Variants in MED16 observed in about 807,000 individuals in gnomAD.
MED16 encodes mediator complex subunit 16.
Under a neutral mutation model 84.4 loss-of-function variants are expected in MED16, and 81 were observed. The observed-to-expected ratio is 0.96, with a 90% CI of 0.80 to 1.15. The LOEUF (loss-of-function observed/expected upper bound fraction) is 1.15, where lower values mean the gene tolerates loss of function less well. Ranked by LOEUF, MED16 falls within the 50% of genes most tolerant of loss-of-function variation. The pLI, the probability that MED16 is intolerant of heterozygous loss-of-function variation, is 0.00. For missense variants in MED16, 1,585 were observed against 1,245.9 expected (o/e 1.27, Z -4.10); for synonymous variants, 897 against 552.2 (o/e 1.62, Z -8.76).
rs894709402 is a variant in MED16, at chr19:871,336, G to C, written c.2099-83C>G. On this transcript the variant is annotated intron_variant, in intron 12 of 15. Transcript: ENST00000325464. ...CCGGGACGTGCTGGGAGCCCCTCCA[G>C]TTCAGGAGCACCAGGTCAGGGCCCC... is the stretch of plus-strand genomic sequence containing the variant. 3.5e-6 allele frequency: 5 copies of C among 1,412,352 alleles called. No individual in the cohort carries two copies. The South Asian group carries it at 5.5e-5, about 15-fold the overall frequency. The allele number at this position is 1,412,352 out of a possible 1,614,324, so 87.5% of individuals were successfully genotyped here. A position where few individuals can be genotyped will look rare whatever the true frequency, so the allele number is the denominator to read the frequency against.
At chr19:883,970 G>A (rs1287831952) in intron 6 of MED16, among the ~76,000 whole-genome samples, 3 of 152,160 alleles carry the variant, frequency 2.0e-5, no homozygotes, top group Admixed American at 2.0e-4. Flanking sequence ...AATGGCAGTG[G>A]CCCTCTTCAC....
At chr19:876,550 GA>G (rs2036235378) in intron 9 of MED16, among the ~76,000 whole-genome samples, 1 of 152,088 alleles carries the variant, frequency 6.6e-6, no homozygotes, top group Non-Finnish European at 1.5e-5. Context: ...TGTTACAGAA[GA>G]AACTTCCCAG....
chr19:876,435 C>A (rs2036231235), intron 9 of MED16, among the ~76,000 whole-genome samples: 2 of 152,060 alleles, frequency 1.3e-5, no homozygotes, highest in Admixed American at 6.5e-5. Context: ...CATCCTGGTA[C>A]CCATCACATT....
chr19:875,212 C>T (rs1198869704), intron 10 of MED16, 32 bp downstream of exon 10: 6 of 1,424,386 alleles, frequency 4.2e-6, no homozygotes, highest in East Asian at 4.7e-5. Context: ...ATGAAAGAAA[C>T]CTCGAGGCCC....
At chr19:874,508 G>C (rs976982870) in intron 10 of MED16, among the ~76,000 whole-genome samples, 1 of 152,062 alleles carries the variant, frequency 6.6e-6, no homozygotes, top group African/African-American at 2.4e-5. Flanking sequence ...CCACGTGCTG[G>C]GTGAGCCTGG....
intron 13 of MED16, 71 bp from the exon 14 acceptor site, chr19:869,017 C>T (rs1267779489): frequency 2.9e-6 from 4 of 1,358,330 alleles, no homozygotes; most frequent in African/African-American, 1.5e-5. Flanking sequence ...GGGCATCTGT[C>T]CACAGGCGGG....
At position 871,050 on chromosome 19, in the gene MED16, C is replaced by T. The variant is rs370073131; in HGVS notation, c.2302G>A (p.Asp768Asn). ...LPGSAATLQL[D>N]GLARAPGQPK... ...GGACACACGCACCTGGCGAGGCCGT[C>T]GAGCTGCAGGGTGGCAGCACTGCCA... Residue 768 changes from aspartate to asparagine, a missense_variant, in exon 13 of 16, where the codon GAC becomes AAC. Asp to Asn is a conservative substitution (Grantham distance 23, BLOSUM62 1). Coordinates refer to ENST00000325464, the MANE Select transcript of MED16 (RefSeq NM_005481.3). The T allele has an allele frequency of 3.8e-5, 58 of 1,543,436 alleles. No homozygotes were observed. The African/African-American group carries it at 6.2e-4, about 16-fold the overall frequency.
In MED16 at chr19:889,862, T is replaced by A. The variant is rs985171386; in HGVS notation, c.278-55A>T. ...TTCCAGGGATGGGCAGAGCACTGCG[T>A]TGCAGGACGGCACAGCGCCTGGGGG... is the stretch of plus-strand genomic sequence containing the variant. On this transcript the variant is annotated intron_variant, in intron 3 of 15. Coordinates refer to ENST00000325464, the MANE Select transcript of MED16 (RefSeq NM_005481.3). 7.8e-6 allele frequency: 12 copies of A among 1,543,960 alleles called. No individual in the cohort carries two copies. In the African/African-American group the frequency reaches 1.1e-4, roughly 14 times the overall value.
At chr19:872,537 G>A (rs912482641) in intron 11 of MED16, among the ~76,000 whole-genome samples, 3 of 152,014 alleles carry the variant, frequency 2.0e-5, no homozygotes, top group Non-Finnish European at 2.9e-5. Context: ...AAAGAAGAGA[G>A]GGACTTCAAA....
At position 876,912 on chromosome 19, in the gene MED16, G is replaced by A. The variant is rs563458694; in HGVS notation, c.1560+62C>T. On this transcript the variant is annotated intron_variant, in intron 9 of 15. Transcript: ENST00000325464. The stretch of plus-strand genomic sequence containing the variant: ...CTGCCACGGGGCCCCACCTGCCACG[G>A]GGCCCCCACCTGCCACAGGGCCCCC... The A allele has an allele frequency of 4.3e-4, 655 of 1,519,962 alleles. 5 individuals are homozygous for A. In the East Asian group the frequency reaches 7.2e-3, roughly 17 times the overall value. The allele number at this position is 1,519,962 out of a possible 1,614,324, so 94.2% of individuals were successfully genotyped here. A position where few individuals can be genotyped will look rare whatever the true frequency, so the allele number is the denominator to read the frequency against.
Position 873,451 on chromosome 19 carries a change from G to C in MED16, c.1903C>G (p.Gln635Glu), listed in dbSNP as rs1407282160. The change falls in exon 11 of 16, where the codon CAG becomes GAG. Residue 635 changes from glutamine (Q) to glutamate (E), a missense_variant and splice_region_variant. By Grantham distance (29) the Gln-to-Glu change is conservative. Transcript: ENST00000325464. ...VLYLLASLPN[Q>E]GSLLRPGHSF... The stretch of plus-strand genomic sequence containing the variant: ...CCTTAGGGGAGAGCATGGCGCACCT[G>C]GTTGGGTAGGCTGGCCAGCAGGTAC... 5 of 1,607,972 alleles carry C rather than the reference G, an allele frequency of 3.1e-6. No individual in the cohort carries two copies. The highest frequency in any genetic ancestry group is 2.2e-5 in the South Asian group (2 of 91,052).
chr19:875,596 C>T (rs2036212426), intron 9 of MED16, 142 bp from the exon 10 acceptor site: 4 of 638,282 alleles, frequency 6.3e-6, no homozygotes, highest in Non-Finnish European at 1.1e-5. Context: ...ACCTCAGCAA[C>T]CTCATGGCAA....
At chr19:875,174 AAAAAATAAAT>A (rs2036200072) in intron 10 of MED16, 60 bp downstream of exon 10, 3 of 1,133,660 alleles carry the variant, frequency 2.6e-6, no homozygotes, top group Admixed American at 2.8e-5. Flanking sequence ...AAAAGAGTAA[AAAAAATAAAT>A]AAAAATAAAA....
At chr19:877,792 A>T (rs1228638517) in intron 8 of MED16, among the ~76,000 whole-genome samples, 29 of 59,056 alleles carry the variant, frequency 4.9e-4, no homozygotes, top group African/African-American at 1.9e-3. Context: ...CCCCAGCCCC[A>T]GCCCCACGTG....
At position 872,816 on chromosome 19, in the gene MED16, G is replaced by A. The variant is rs188504125; in HGVS notation, c.1905+633C>T. 3.9e-3 allele frequency: 1,225 copies of A among 313,534 alleles called. 28 individuals are homozygous for A. The highest frequency in any genetic ancestry group is 0.026 in the African/African-American group (1,153 of 44,170). The allele number at this position is 313,534 out of a possible 1,614,324, so 19.4% of individuals were successfully genotyped here. On this transcript the variant is annotated intron_variant, in intron 11 of 15. Coordinates refer to ENST00000325464, the MANE Select transcript of MED16 (RefSeq NM_005481.3). ...AGCAGCAGCAGAAGCAAGGCGAACC[G>A]GCCTTCGTGTAGGGGTGGGGCTGAG... is the stretch of plus-strand genomic sequence containing the variant.
At chr19:878,717 C>A (rs2036332797) in intron 8 of MED16, among the ~76,000 whole-genome samples, 1 of 142,010 alleles carries the variant, frequency 7.0e-6, no homozygotes, top group African/African-American at 2.6e-5. Context: ...TCGCCTTCCC[C>A]TGGTTGTCAA....
intron 9 of MED16, 63 bp downstream of exon 9, chr19:876,911 G>C (rs10414386): frequency 7.7e-7 from 1 of 1,291,826 alleles, no homozygotes; most frequent in African/African-American, 1.6e-5. Context: ...CACCTGCCAC[G>C]GGGCCCCCAC....
Position 886,188 on chromosome 19 carries a change from C to A in MED16, c.461G>T (p.Ser154Ile). 6.6e-7 allele frequency: 1 copy of A among 1,513,240 alleles called. No homozygotes were observed. Among genetic ancestry groups the A allele is most frequent in the Non-Finnish European group, 8.8e-7 (1 of 1,134,014 alleles). 93.7% of individuals were successfully genotyped at this position (1,513,240 alleles called of 1,614,324 possible). The change falls in exon 5 of 16, where the codon AGC (serine) becomes ATC (isoleucine). Residue 154 changes from serine to isoleucine, a missense_variant. Transcript: ENST00000325464. ...GACTCGGGAGAACTTCTCCCCGAAG[C>A]TGGAGGCGCCCGACTGTGGAGAAGG... The part of the protein sequence containing the change: ...ALHVEKSGAS[S>I]FGEKFSRVKF...
chr19:892,193 G>A (rs1225379408), intron 1 of MED16, among the ~76,000 whole-genome samples: 1 of 152,018 alleles, frequency 6.6e-6, no homozygotes, highest in Admixed American at 6.5e-5. Context: ...CCGCAACCAG[G>A]TTCTCCTCAA....
Sources: allele counts gnomAD v4.1 joint callset (sites outside exome capture counted in the v4.1 genomes callset), GRCh38; gene constraint gnomAD v4.1.1; transcripts MANE v1.5; gene names NCBI Gene and HGNC (gene_info 2026-07-23, HGNC 2026-07-21).